The following CEPT1 variants were observed in gnomAD, a reference collection of about 807,000 sequenced individuals.
The protein encoded by CEPT1 is choline/ethanolamine phosphotransferase 1.
In CEPT1, 7 loss-of-function variants were observed where a neutral mutation model predicts 42.6. The observed-to-expected ratio is 0.16, with a 90% CI of 0.09 to 0.31. The LOEUF is 0.31. CEPT1 is among the 10% of genes least tolerant of loss of function. The probability of loss-of-function intolerance (pLI) is 1.00; values close to 1 mark genes in which losing one functional copy is unlikely to be tolerated. For missense variants in CEPT1, 306 were observed against 502.1 expected (o/e 0.61, Z 3.73); for synonymous variants, 171 against 171.9 (o/e 0.99, Z 0.04).
intron 3 of CEPT1, chr1:111,159,922 C>T (rs2783447): frequency 0.023 from 3,607 of 154,876 alleles, 146 homozygotes; most frequent in African/African-American, 0.083. Context: ...ATTATAACTA[C>T]GTCATAAGAA....
intron 2 of CEPT1, among the ~76,000 whole-genome samples, chr1:111,157,091 C>A (rs1655612983): frequency 6.6e-6 from 1 of 152,068 alleles, no homozygotes; most frequent in Admixed American, 6.5e-5. Context: ...CTTAAAATAC[C>A]TCTGAGAAGT....
In CEPT1 at chr1:111,149,314, G is replaced by A. The variant is rs1266314054; in HGVS notation, c.339+1261G>A. 2.1e-5 allele frequency among the ~76,000 whole-genome samples: 3 copies of A among 141,984 alleles called. No homozygotes were observed. The Admixed American group carries it at 2.3e-4, about 11-fold the overall frequency. The allele number at this position is 141,984 out of a possible 152,430, so 93.1% of individuals were successfully genotyped here. On this transcript the variant is annotated intron_variant, in intron 2 of 8. Coordinates refer to ENST00000357172, the MANE Select transcript of CEPT1 (RefSeq NM_006090.5). ...GTCTGCCTTTGTCACCCAGGCTGGA[G>A]TGCAATGGCACTGTCTTGGCTCACT...
At chr1:111,174,816 C>A (rs1258809277) in intron 4 of CEPT1, 63 bp from the exon 5 acceptor site, 4 of 987,540 alleles carry the variant, frequency 4.1e-6, no homozygotes, top group South Asian at 2.6e-5. Flanking sequence ...GCTAAGCTTG[C>A]AAGTAATTAA....
rs1657058992 is a variant in CEPT1 at position 111,182,860 on chromosome 1, T to G, written c.908T>G (p.Ile303Ser). The G allele has an allele frequency of 6.2e-7, 1 of 1,613,480 alleles. No individual in the cohort carries two copies. Among genetic ancestry groups the G allele is most frequent in the African/African-American group, 1.3e-5 (1 of 74,922 alleles). Residue 303 changes from isoleucine to serine, a missense_variant, in exon 7 of 9, where the codon ATC (isoleucine) becomes AGC (serine). This residue lies in a region of CEPT1 where 253 missense variants were observed against 447.3 expected (regional missense o/e 0.57). Coordinates refer to ENST00000357172, the MANE Select transcript of CEPT1 (RefSeq NM_006090.5). Reference sequence around the variant, plus strand: ...TCAGTGATTACATTAGCTGCAATGATCTACAAGAAATCTGCAGTTCAGCTT... The same window carrying G: ...TCAGTGATTACATTAGCTGCAATGAGCTACAAGAAATCTGCAGTTCAGCTT... The part of the protein sequence containing the change: ...IGSVITLAAM[I>S]YKKSAVQLFE...
chr1:111,164,493 C>A (rs1414901367), intron 4 of CEPT1, among the ~76,000 whole-genome samples: 1 of 152,074 alleles, frequency 6.6e-6, no homozygotes, highest in Non-Finnish European at 1.5e-5. Context: ...CTCATCTTTG[C>A]AAAATACTCT....
At chr1:111,168,691 T>C (rs1656264155) in intron 4 of CEPT1, among the ~76,000 whole-genome samples, 1 of 152,156 alleles carries the variant, frequency 6.6e-6, no homozygotes, top group Non-Finnish European at 1.5e-5. Context: ...GGTTTCACCA[T>C]GTTAGCCAGG....
chr1:111,159,392 G>T lies in CEPT1; in HGVS notation c.352G>T (p.Ala118Ser). ...PTATEQAPLW[A>S]YIACACGLFI... ...TTTTATTTCACAGGCACCTCTGTGG[G>T]CATATATTGCTTGTGCCTGTGGCCT... The change falls in exon 3 of 9, where the codon GCA becomes TCA. Residue 118 changes from alanine (A) to serine (S), a missense_variant. Around this residue, in one of 2 missense-constraint regions of CEPT1, gnomAD observed 253 missense variants for 447.3 expected, o/e 0.57. Transcript: ENST00000357172. 1 of 1,611,776 alleles carries T rather than the reference G, an allele frequency of 6.2e-7. No homozygotes were observed. The highest frequency in any genetic ancestry group is 8.5e-7 in the Non-Finnish European group (1 of 1,179,318).
In CEPT1 at chr1:111,165,922, C is replaced by T. The variant is rs142981730; in HGVS notation, c.629+4626C>T. On this transcript the variant is annotated intron_variant, in intron 4 of 8. Coordinates refer to ENST00000357172, the MANE Select transcript of CEPT1 (RefSeq NM_006090.5). ...TTTTAAAGAATAATTATTTGAAGACCTCTTGATAATAAAAAACTGTTGTTT... is the reference window on the plus strand; with the variant it reads ...TTTTAAAGAATAATTATTTGAAGACTTCTTGATAATAAAAAACTGTTGTTT... Among the ~76,000 whole-genome samples, 506 of 152,246 alleles carry T rather than the reference C, an allele frequency of 3.3e-3. 1 individual carries two copies. Among genetic ancestry groups the T allele is most frequent in the Admixed American group, 6.9e-3 (105 of 15,298 alleles).
chr1:111,165,066 T>TC (rs941109593), intron 4 of CEPT1, among the ~76,000 whole-genome samples: 6 of 145,556 alleles, frequency 4.1e-5, no homozygotes, highest in Admixed American at 2.0e-4. Flanking sequence ...TTTTTTTTTT[T>TC]TGAGACGGAG....
intron 4 of CEPT1, among the ~76,000 whole-genome samples, chr1:111,169,033 C>G (rs1480477282): frequency 6.6e-6 from 1 of 152,158 alleles, no homozygotes; most frequent in African/African-American, 2.4e-5. Context: ...TTACTTATAC[C>G]TCACACAATG....
intron 4 of CEPT1, chr1:111,167,077 T>C (rs1350424350): frequency 2.0e-6 from 2 of 979,536 alleles, no homozygotes; most frequent in African/African-American, 3.5e-5. Context: ...AGTAAAGTTA[T>C]TTTGAAATGT....
At chr1:111,140,438 C>A (rs1314294305) in intron 1 of CEPT1, 131 bp downstream of exon 1, 3 of 152,418 alleles carry the variant, frequency 2.0e-5, no homozygotes, top group Non-Finnish European at 4.4e-5. Flanking sequence ...GCGAGGCGAA[C>A]GCCGTCCTTC....
chr1:111,170,342 T>C (rs1406732962), intron 4 of CEPT1, among the ~76,000 whole-genome samples: 1 of 152,200 alleles, frequency 6.6e-6, no homozygotes. Context: ...TTTTTAGTCT[T>C]CTCAGAAAGT....
At chr1:111,184,110 G>T in intron 8 of CEPT1, 81 bp from the exon 9 acceptor site, 1 of 1,407,958 alleles carries the variant, frequency 7.1e-7, no homozygotes, top group Non-Finnish European at 9.8e-7. Flanking sequence ...TCTGTAGAGA[G>T]AACAGAGTCC....
rs1657158249 is a variant in CEPT1, at chr1:111,184,481, T to TTCAAG, written c.*174_*178dup. ...AACTATCCTGTGTGAGAATGGGAAT[T>TTCAAG]TCAAGTCCCATCTTGTAAATTGTAT... On this transcript the variant is annotated 3_prime_UTR_variant, in exon 9 of 9. Coordinates refer to ENST00000357172, the MANE Select transcript of CEPT1 (RefSeq NM_006090.5). 6.1e-6 allele frequency: 3 copies of TTCAAG among 495,010 alleles called. No homozygotes were observed. Among genetic ancestry groups the TTCAAG allele is most frequent in the Middle Eastern group, 5.5e-4 (1 of 1,834 alleles). 30.7% of individuals were successfully genotyped at this position (495,010 alleles called of 1,614,324 possible). A position where few individuals can be genotyped will look rare whatever the true frequency, so the allele number is the denominator to read the frequency against.
chr1:111,166,573 A>G (rs1483241105), intron 4 of CEPT1, among the ~76,000 whole-genome samples: 2 of 152,226 alleles, frequency 1.3e-5, no homozygotes, highest in East Asian at 1.9e-4. Flanking sequence ...TCTTGATTAG[A>G]TTCTTTCCCA....
At chr1:111,165,044 CTTTTTTTTTTTTT>C (rs11323094) in intron 4 of CEPT1, among the ~76,000 whole-genome samples, 2 of 83,972 alleles carry the variant, frequency 2.4e-5, no homozygotes, top group African/African-American at 5.0e-5. Flanking sequence ...AAACATCGGT[CTTTTTTTTTTTTT>C]TTTTTTTTTT....
intron 2 of CEPT1, among the ~76,000 whole-genome samples, chr1:111,149,210 T>C (rs779309668): frequency 2.0e-5 from 3 of 151,560 alleles, no homozygotes; most frequent in Non-Finnish European, 2.9e-5. Flanking sequence ...ATTCCTCTTC[T>C]ACTATTGCAA....
Position 111,147,642 on chromosome 1 carries a change from G to A in CEPT1, c.-73G>A. Reference sequence around the variant, plus strand: ...ATTTTTATTTTATTTTATTTTTTAGGTAAGCACCAGCCACAAAAACCTACA... The same window carrying A: ...ATTTTTATTTTATTTTATTTTTTAGATAAGCACCAGCCACAAAAACCTACA... On this transcript the variant is annotated splice_region_variant and 5_prime_UTR_variant, in exon 2 of 9. Coordinates refer to ENST00000357172, the MANE Select transcript of CEPT1 (RefSeq NM_006090.5). 5 of 1,014,866 alleles carry A rather than the reference G, an allele frequency of 4.9e-6. No homozygotes were observed. The South Asian group carries it at 9.4e-5, about 19-fold the overall frequency. The allele number at this position is 1,014,866 out of a possible 1,614,324, so 62.9% of individuals were successfully genotyped here.
Sources: allele counts gnomAD v4.1 joint callset (sites outside exome capture counted in the v4.1 genomes callset), GRCh38; gene constraint gnomAD v4.1.1; regional missense constraint gnomAD v4.1.1; transcripts MANE v1.5; gene names NCBI Gene and HGNC (gene_info 2026-07-23, HGNC 2026-07-21).